Variants in SPRY3 observed in about 807,000 individuals in gnomAD.
SPRY3 encodes protein sprouty homolog 3.
Under a neutral mutation model 20.2 loss-of-function variants are expected in SPRY3, and 15 were observed. The observed-to-expected ratio is 0.74, with a 90% confidence interval of 0.50 to 1.14. The LOEUF (loss-of-function observed/expected upper bound fraction) is 1.14. Ranked by LOEUF, SPRY3 falls within the 50% of genes most tolerant of loss-of-function variation. The pLI, the probability that SPRY3 is intolerant of heterozygous loss-of-function variation, is 0.00. For synonymous variants in SPRY3, 143 were observed against 136.5 expected (o/e 1.05, Z -0.33); for missense variants, 364 against 363.9 (o/e 1.00, Z 0.00).
At chrX:155,625,300 T>C (rs1398123947) in intron 1 of SPRY3, among the ~76,000 whole-genome samples, 1 of 111,503 alleles carries the variant, frequency 9.0e-6, no homozygotes, top group Non-Finnish European at 1.9e-5. Flanking sequence ...ATTCAATTAA[T>C]GGCAAATTTT....
At position 155,680,886 on chromosome X, in the gene SPRY3, G is replaced by C. The variant is rs138966106; in HGVS notation, c.-282+23861G>C. On this transcript the variant is annotated intron_variant, in intron 2 of 3. Transcript: ENST00000675360. The stretch of plus-strand genomic sequence containing the variant: ...ATGGTGATTGTGATCGGTGATCTTT[G>C]ATGTTACTATTGTAATTATTTGGGG... Among the ~76,000 whole-genome samples the C allele has an allele frequency of 6.9e-3, 773 of 111,421 alleles. 6 individuals are homozygous for C. Among genetic ancestry groups the C allele is most frequent in the African/African-American group, 0.024 (733 of 30,657 alleles).
rs1372150736 is a variant in SPRY3, at chrX:155,752,528, T to TAA, written c.-281-15433_-281-15432dup. Among the ~76,000 whole-genome samples, 11 of 151,688 alleles carry TAA rather than the reference T, an allele frequency of 7.3e-5. No homozygotes were observed. The East Asian group carries it at 1.7e-3, about 24-fold the overall frequency. Reference sequence around the variant, plus strand: ...TTTAATGTCTTGATATATATATATATAACTATTGATATTTAAATGTATCTA... The same window carrying TAA: ...TTTAATGTCTTGATATATATATATATAAAACTATTGATATTTAAATGTATCTA... On this transcript the variant is annotated intron_variant, in intron 2 of 3. Coordinates refer to ENST00000675360, the Ensembl canonical transcript of SPRY3.
chrX:155,762,303 C>A (rs2091307287), intron 2 of SPRY3, among the ~76,000 whole-genome samples: 1 of 151,958 alleles, frequency 6.6e-6, no homozygotes, highest in Non-Finnish European at 1.5e-5. Context: ...GGAGCTAATT[C>A]TAGTTGGAAA....
At chrX:155,760,768 G>A (rs1054753914) in intron 2 of SPRY3, among the ~76,000 whole-genome samples, 23 of 152,198 alleles carry the variant, frequency 1.5e-4, no homozygotes, top group Admixed American at 3.9e-4. Flanking sequence ...TAATGCCACT[G>A]CTGATTTGAC....
At chrX:155,635,502 TAAAC>T in intron 1 of SPRY3, among the ~76,000 whole-genome samples, 1 of 111,557 alleles carries the variant, frequency 9.0e-6, no homozygotes, top group East Asian at 2.8e-4. Context: ...GCAAAGAACT[TAAAC>T]AAATTTACAT....
chrX:155,773,888 C>T (rs1434441424), exon 4 of SPRY3: 2 of 1,613,688 alleles, frequency 1.2e-6, no homozygotes, highest in South Asian at 1.1e-5. Flanking sequence ...GCTGCGGTGA[C>T]AGATGATTTT....
At chrX:155,700,851 G>C (rs1330111442) in intron 2 of SPRY3, among the ~76,000 whole-genome samples, 6 of 45,735 alleles carry the variant, frequency 1.3e-4, no homozygotes, top group African/African-American at 8.4e-4. Flanking sequence ...CTATGAGTGA[G>C]AATATGCGGT....
intron 2 of SPRY3, among the ~76,000 whole-genome samples, chrX:155,709,048 A>C (rs2090969862): frequency 6.6e-6 from 1 of 151,442 alleles, no homozygotes; most frequent in Non-Finnish European, 1.5e-5. Context: ...GTATATGTAC[A>C]TTTTCTTTAT....
chrX:155,754,898 G>A (rs987071125), intron 2 of SPRY3, among the ~76,000 whole-genome samples: 4 of 151,910 alleles, frequency 2.6e-5, no homozygotes, highest in African/African-American at 9.7e-5. Context: ...CATTGCTAGT[G>A]TATAGATATA....
rs138344593 is a variant in SPRY3 at position 155,633,479 on chromosome X, A to T, written c.-441+20832A>T. On this transcript the variant is annotated intron_variant, in intron 1 of 3. Coordinates refer to ENST00000675360, the Ensembl canonical transcript of SPRY3. Reference sequence around the variant, plus strand: ...TGAAACACCCCGGAGCACTGCCATAAATATATACTGTAAACCTTATCCCAA... The same window carrying T: ...TGAAACACCCCGGAGCACTGCCATATATATATACTGTAAACCTTATCCCAA... Among the ~76,000 whole-genome samples, 715 of 109,977 alleles carry T rather than the reference A, an allele frequency of 6.5e-3. 6 individuals carry two copies. The highest frequency in any genetic ancestry group is 0.023 in the African/African-American group (680 of 30,126).
intron 2 of SPRY3, among the ~76,000 whole-genome samples, chrX:155,662,389 G>A (rs985639470): frequency 2.7e-5 from 3 of 110,754 alleles, no homozygotes; most frequent in Non-Finnish European, 5.7e-5. Flanking sequence ...GTGTACTGGG[G>A]ATGTGAACAA....
intron 3 of SPRY3, among the ~76,000 whole-genome samples, chrX:155,770,564 C>T (rs1243699507): frequency 6.6e-6 from 1 of 152,016 alleles, no homozygotes; most frequent in Non-Finnish European, 1.5e-5. Flanking sequence ...CACTAGATCC[C>T]ATCAATGTGC....
intron 2 of SPRY3, among the ~76,000 whole-genome samples, chrX:155,764,792 T>C (rs1312872278): frequency 6.6e-6 from 1 of 152,194 alleles, no homozygotes; most frequent in Non-Finnish European, 1.5e-5. Context: ...AGGCTTTTCC[T>C]GCAATAAGTG....
intron 1 of SPRY3, among the ~76,000 whole-genome samples, chrX:155,622,555 A>G (rs1306775720): frequency 8.9e-6 from 1 of 112,086 alleles, no homozygotes; most frequent in Non-Finnish European, 1.9e-5. Flanking sequence ...TACCTAGGGC[A>G]TGACTTTGCA....
At chrX:155,714,862 C>T (rs1470390624) in intron 2 of SPRY3, among the ~76,000 whole-genome samples, 1 of 152,106 alleles carries the variant, frequency 6.6e-6, no homozygotes, top group Non-Finnish European at 1.5e-5. Context: ...CCACCAACAC[C>T]ACCAGTCCAC....
chrX:155,723,887 G>T (rs1602965425), intron 2 of SPRY3, among the ~76,000 whole-genome samples: 1 of 152,102 alleles, frequency 6.6e-6, no homozygotes, highest in Non-Finnish European at 1.5e-5. Context: ...GTATTGCCTA[G>T]GTTTTCTTCC....
chrX:155,728,623 T>G (rs1030855619), intron 2 of SPRY3, among the ~76,000 whole-genome samples: 10 of 152,208 alleles, frequency 6.6e-5, no homozygotes, highest in African/African-American at 2.4e-4. Flanking sequence ...AAGCCAGGTA[T>G]GGGAGAGAAT....
At chrX:155,626,771 T>C (rs1467342180) in intron 1 of SPRY3, among the ~76,000 whole-genome samples, 2 of 111,636 alleles carry the variant, frequency 1.8e-5, no homozygotes, top group Non-Finnish European at 3.8e-5. Context: ...ACTGTCGGCA[T>C]GTTTTCAGTG....
At position 155,647,443 on chromosome X, in the gene SPRY3, G is replaced by C. The variant is rs1167662563; in HGVS notation, c.-440-9424G>C. On this transcript the variant is annotated intron_variant, in intron 1 of 3. Transcript: ENST00000675360. ...ATCTACATTAGGTATTTCTCCAAAT[G>C]CTATCCCTCCCCTTGCCCCCACCCC... 2.7e-5 allele frequency among the ~76,000 whole-genome samples: 3 copies of C among 110,603 alleles called. No homozygotes were observed. In the Admixed American group the frequency reaches 2.9e-4, roughly 11 times the overall value.
Sources: gnomAD v4.1 joint callset for allele counts (sites outside exome capture counted in the v4.1 genomes callset) on GRCh38, gnomAD v4.1.1 for gene constraint, MANE v1.5 for transcripts, NCBI Gene and HGNC (gene_info 2026-07-23, HGNC 2026-07-21) for gene names.